The following ADAMTSL1 variants were observed in gnomAD, a reference collection of about 807,000 sequenced individuals.
The protein encoded by ADAMTSL1 is ADAMTS like 1.
In ADAMTSL1, 126 loss-of-function variants were observed where a neutral mutation model predicts 201.8. That is an observed-to-expected ratio of 0.62 (90% confidence interval 0.54 to 0.72). The LOEUF is 0.72. ADAMTSL1 is among the 30% of genes least tolerant of loss of function. The pLI, the probability that ADAMTSL1 is intolerant of heterozygous loss-of-function variation, is 0.00. For synonymous variants in ADAMTSL1, 1,121 were observed against 903.4 expected, an observed-to-expected ratio of 1.24 and a Z score of -4.32; for missense variants, 2,679 against 2,277.8, an observed-to-expected ratio of 1.18 and a Z score of -3.59.
intron 7 of ADAMTSL1, among the ~76,000 whole-genome samples, chr9:18,654,654 C>A (rs935569114): frequency 3.9e-5 from 6 of 152,126 alleles, no homozygotes; most frequent in Non-Finnish European, 7.4e-5. Context: ...TGTTGCATAT[C>A]TTTTCAAGCC....
At chr9:18,347,975 G>A (rs1340047) in intron 2 of ADAMTSL1, among the ~76,000 whole-genome samples, 41,416 of 152,054 alleles carry the variant, frequency 0.27, 6,373 homozygotes, top group East Asian at 0.46. Flanking sequence ...AGTTGAATTT[G>A]GTTAAAGGGA....
chr9:18,563,852 G>T (rs1216557862), intron 3 of ADAMTSL1, among the ~76,000 whole-genome samples: 1 of 152,130 alleles, frequency 6.6e-6, no homozygotes, highest in African/African-American at 2.4e-5. Context: ...AATGGTGGAC[G>T]CCCCTACCCC....
intron 23 of ADAMTSL1, among the ~76,000 whole-genome samples, chr9:18,878,994 C>T (rs1563881941): frequency 6.6e-6 from 1 of 152,186 alleles, no homozygotes; most frequent in East Asian, 1.9e-4. Flanking sequence ...CAACTACTGA[C>T]AATGGAACCA....
Position 18,053,775 on chromosome 9 carries a change from A to G in ADAMTSL1, c.88-110087A>G, listed in dbSNP as rs539101730. 2.6e-5 allele frequency among the ~76,000 whole-genome samples: 4 copies of G among 152,334 alleles called. 1 individual carries two copies. The highest frequency in any genetic ancestry group is 4.1e-4 in the South Asian group (2 of 4,830). ...GTTTACTGAGCACTCTTGATGTACC[A>G]GGCTCCGAGGAGGCTTCAAGGATAA... On this transcript the variant is annotated intron_variant, in intron 1 of 29. Transcript: ENST00000680146.
chr9:18,136,159 G>A (rs1408510424), intron 1 of ADAMTSL1, among the ~76,000 whole-genome samples: 1 of 152,148 alleles, frequency 6.6e-6, no homozygotes, highest in Non-Finnish European at 1.5e-5. Flanking sequence ...TTGCATAGTG[G>A]TTCCCAAACC....
At chr9:18,508,739 T>A (rs908373262) in intron 2 of ADAMTSL1, among the ~76,000 whole-genome samples, 2 of 152,152 alleles carry the variant, frequency 1.3e-5, no homozygotes, top group Non-Finnish European at 2.9e-5. Flanking sequence ...GTAAGAAATA[T>A]TAAATAAGTA....
intron 2 of ADAMTSL1, among the ~76,000 whole-genome samples, chr9:18,419,931 T>G (rs1205326523): frequency 2.0e-5 from 3 of 152,090 alleles, no homozygotes; most frequent in Admixed American, 6.5e-5. Context: ...GGTTTCACCA[T>G]GTTGGTCAGG....
chr9:18,073,135 G>C (rs569657792), intron 1 of ADAMTSL1, among the ~76,000 whole-genome samples: 2 of 152,274 alleles, frequency 1.3e-5, no homozygotes, highest in East Asian at 3.9e-4. Flanking sequence ...GGCCTGCCAC[G>C]TGTTTTCTCT....
At chr9:18,422,116 A>G (rs111231840) in intron 2 of ADAMTSL1, among the ~76,000 whole-genome samples, 1 of 152,156 alleles carries the variant, frequency 6.6e-6, no homozygotes, top group Non-Finnish European at 1.5e-5. Flanking sequence ...CTGGTCTCCT[A>G]TAAAATCTCC....
chr9:18,452,235 T>C (rs1563969329), intron 2 of ADAMTSL1, among the ~76,000 whole-genome samples: 3 of 152,170 alleles, frequency 2.0e-5, no homozygotes, highest in Admixed American at 1.3e-4. Context: ...TTATAACAAA[T>C]TTACTCTCAA....
rs557079487 is a variant in ADAMTSL1 at position 18,507,398 on chromosome 9, T to C, written c.191+2442T>C. On this transcript the variant is annotated intron_variant, in intron 2 of 28. Transcript: ENST00000380548. ...AGAAAATCTGCATCTCCAAGGACAATTTAAAGATCTACAGTGACTAAGTAA... is the reference window on the plus strand; with the variant it reads ...AGAAAATCTGCATCTCCAAGGACAACTTAAAGATCTACAGTGACTAAGTAA... Among the ~76,000 whole-genome samples the C allele has an allele frequency of 6.6e-5, 10 of 152,302 alleles. No individual in the cohort carries two copies. The South Asian group carries it at 1.2e-3, about 19-fold the overall frequency.
At chr9:18,173,166 T>A (rs1054868957) in intron 2 of ADAMTSL1, among the ~76,000 whole-genome samples, 1 of 152,168 alleles carries the variant, frequency 6.6e-6, no homozygotes, top group East Asian at 1.9e-4. Context: ...TATTTTATAA[T>A]GCATGTATAA....
At chr9:18,307,691 A>G (rs1218929366) in intron 2 of ADAMTSL1, among the ~76,000 whole-genome samples, 1 of 152,160 alleles carries the variant, frequency 6.6e-6, no homozygotes, top group Non-Finnish European at 1.5e-5. Flanking sequence ...CCAGATTCAT[A>G]AAGCAAGTTC....
chr9:18,295,863 A>T (rs1833460679), intron 2 of ADAMTSL1, among the ~76,000 whole-genome samples: 2 of 152,238 alleles, frequency 1.3e-5, no homozygotes, highest in South Asian at 4.1e-4. Flanking sequence ...TTGGATTTTT[A>T]AAAATGTATT....
chr9:18,886,937 A>AAGAT (rs1393741829), intron 23 of ADAMTSL1, among the ~76,000 whole-genome samples: 1 of 152,166 alleles, frequency 6.6e-6, no homozygotes, highest in Non-Finnish European at 1.5e-5. Flanking sequence ...TAGAAGAGGG[A>AAGAT]AGATAGTCTT....
At chr9:18,255,799 T>C (rs1177684489) in intron 2 of ADAMTSL1, among the ~76,000 whole-genome samples, 1 of 152,226 alleles carries the variant, frequency 6.6e-6, no homozygotes, top group East Asian at 1.9e-4. Flanking sequence ...TCTGCCTCTT[T>C]CCCTGGTCTC....
intron 2 of ADAMTSL1, among the ~76,000 whole-genome samples, chr9:18,460,331 C>G (rs1554682875): frequency 6.6e-6 from 1 of 152,062 alleles, no homozygotes; most frequent in Non-Finnish European, 1.5e-5. Context: ...CGGCGAAATC[C>G]CTGTCTGTTT....
chr9:18,393,655 TAA>T (rs1817625790), intron 2 of ADAMTSL1, among the ~76,000 whole-genome samples: 1 of 152,212 alleles, frequency 6.6e-6, no homozygotes, highest in African/African-American at 2.4e-5. Context: ...TGGCAAGGGC[TAA>T]GGCAATTTGG....
intron 2 of ADAMTSL1, among the ~76,000 whole-genome samples, chr9:18,332,963 G>T (rs1402566203): frequency 6.6e-6 from 1 of 152,088 alleles, no homozygotes; most frequent in East Asian, 1.9e-4. Flanking sequence ...GAATAAAATG[G>T]TATTATGTAC....
Sources: gnomAD v4.1 joint callset for allele counts (sites outside exome capture counted in the v4.1 genomes callset) on GRCh38, gnomAD v4.1.1 for gene constraint, MANE v1.5 for transcripts, NCBI Gene and HGNC (gene_info 2026-07-23, HGNC 2026-07-21) for gene names.